TRAF7: variants seen among roughly 807,000 people sequenced by gnomAD.
The protein encoded by TRAF7 is TNF receptor associated factor 7.
TRAF7 carries 45 observed loss-of-function variants against 89.3 expected under a neutral mutation model. The ratio of observed to expected loss-of-function variants is 0.50; its 90% CI spans 0.40 to 0.65. The LOEUF (loss-of-function observed/expected upper bound fraction) is 0.65, where lower values mean the gene tolerates loss of function less well. Ranked by LOEUF, TRAF7 falls within the 30% of genes least tolerant of loss-of-function variation. The pLI is 0.00. For missense variants in TRAF7, 677 were observed against 918.1 expected (o/e 0.74, Z 3.39); for synonymous variants, 406 against 369.2 (o/e 1.10, Z -1.14).
intron 20 of TRAF7, 23 bp downstream of exon 20, chr16:2,176,407 A>G: frequency 5.6e-6 from 9 of 1,611,208 alleles, no homozygotes; most frequent in African/African-American, 1.3e-5. Context: ...GGCTCAGGCC[A>G]TTCAAAGGGG....
intron 11 of TRAF7, 24 bp downstream of exon 11, chr16:2,173,578 C>T (rs759406878): frequency 1.9e-6 from 3 of 1,609,738 alleles, no homozygotes; most frequent in Middle Eastern, 1.7e-4. Flanking sequence ...GCTGGAGGGG[C>T]TGGGTTGTGA....
In TRAF7 at chr16:2,168,250, G is replaced by A. The variant is rs538705785; in HGVS notation, c.231+82G>A. On this transcript the variant is annotated intron_variant, in intron 4 of 20. Coordinates refer to ENST00000326181, the MANE Select transcript of TRAF7 (RefSeq NM_032271.3). This position sits in a 1 kb window ranked among gnomAD's most constrained non-coding sequence, Gnocchi z 4.1. ...CTGGGGGAACCAGGTCCCAGGAGGAGTTGACAGTGAGCTGGTGAGGCACAG... is the reference window on the plus strand; with the variant it reads ...CTGGGGGAACCAGGTCCCAGGAGGAATTGACAGTGAGCTGGTGAGGCACAG... 148 of 1,231,858 alleles carry A rather than the reference G, an allele frequency of 1.2e-4. 1 individual carries two copies. Among genetic ancestry groups the A allele is most frequent in the Non-Finnish European group, 1.5e-4 (134 of 875,794 alleles). The allele number at this position is 1,231,858 out of a possible 1,614,324, so 76.3% of individuals were successfully genotyped here.
chr16:2,175,728 C>G (rs1475650660), intron 17 of TRAF7, 106 bp downstream of exon 17: 2 of 1,588,294 alleles, frequency 1.3e-6, no homozygotes, highest in Middle Eastern at 3.5e-4. Context: ...CGCACATCCC[C>G]TGGCTGGGTG....
rs1353837672 is a variant in TRAF7, at chr16:2,163,852, C to T, written c.-38-31C>T. 4.2e-6 allele frequency: 6 copies of T among 1,422,472 alleles called. No homozygotes were observed. The highest frequency in any genetic ancestry group is 1.9e-5 in the Admixed American group (1 of 53,884). 88.1% of individuals were successfully genotyped at this position (1,422,472 alleles called of 1,614,324 possible). A position where few individuals can be genotyped will look rare whatever the true frequency, so the allele number is the denominator to read the frequency against. ...ACTCACAGGGGCCTGGGCTCCATCT[C>T]TCAAGCCCCTCATTTGTGCTCCACC... is the stretch of plus-strand genomic sequence containing the variant. On this transcript the variant is annotated intron_variant, in intron 1 of 20. Transcript: ENST00000326181. This position sits in a 1 kb window ranked among gnomAD's most constrained non-coding sequence, Gnocchi z 4.3.
intron 4 of TRAF7, among the ~76,000 whole-genome samples, chr16:2,169,578 C>G (rs1480757879): frequency 1.3e-5 from 2 of 152,172 alleles, no homozygotes; most frequent in African/African-American, 2.4e-5. Context: ...CTGTCAGCCC[C>G]TACGCCCAAG....
In TRAF7 at chr16:2,159,301, C is replaced by T. The variant is rs537182966; in HGVS notation, c.-39+3443C>T. 1.3e-5 allele frequency among the ~76,000 whole-genome samples: 2 copies of T among 151,950 alleles called. No individual in the cohort carries two copies. Among genetic ancestry groups the T allele is most frequent in the Non-Finnish European group, 2.9e-5 (2 of 67,954 alleles). ...GGCAGGGACAGGCAAGGGGGTTCGC[C>T]GTGCTAGGAGGGAAGCGGGGCCAAG... On this transcript the variant is annotated intron_variant, in intron 1 of 20. Coordinates refer to ENST00000326181, the MANE Select transcript of TRAF7 (RefSeq NM_032271.3). The surrounding 1 kb of genome is among the most constrained non-coding windows in gnomAD (Gnocchi z 6.5).
At chr16:2,157,360 GAGGGTCTCTGGTGA>G (rs2093039525) in intron 1 of TRAF7, among the ~76,000 whole-genome samples, 1 of 152,042 alleles carries the variant, frequency 6.6e-6, no homozygotes, top group East Asian at 1.9e-4. Flanking sequence ...GCCCCAACCT[GAGGGTCTCTGGTGA>G]AGTGACTTCC....
At chr16:2,174,153 C>T (rs2093125628) in intron 13 of TRAF7, 98 bp from the exon 14 acceptor site, 2 of 1,596,968 alleles carry the variant, frequency 1.3e-6, no homozygotes, top group Non-Finnish European at 8.5e-7. Context: ...GGGCAGGGCC[C>T]TCTCCCATGG....
chr16:2,176,076 G>A lies in TRAF7; in HGVS notation c.1774G>A (p.Val592Met). 1.2e-6 allele frequency: 2 copies of A among 1,610,840 alleles called. No homozygotes were observed. The highest frequency in any genetic ancestry group is 1.7e-6 in the Non-Finnish European group (2 of 1,178,834). ...GTGGGACATTGAGTCCAAGGAGCAG[G>A]TGCGGACCCTCACGGGCCACGTGGG... ...HVWDIESKEQ[V>M]RTLTGHVGTV... is the part of the protein sequence containing the mutation. The change falls in exon 19 of 21, where the codon GTG becomes ATG. Residue 592 changes from valine (V) to methionine (M), a missense_variant. Physicochemically the swap from Val to Met is conservative, Grantham distance 21. Coordinates refer to ENST00000326181, the MANE Select transcript of TRAF7 (RefSeq NM_032271.3).
At position 2,162,787 on chromosome 16, in the gene TRAF7, G is replaced by A. The variant is rs1002748719; in HGVS notation, c.-38-1096G>A. ...GGCCCGGGGCAGGAGTCCTGGGCAC[G>A]TGGCCTTCCTCCCCACAGGGAGCTC... On this transcript the variant is annotated intron_variant, in intron 1 of 20. Coordinates refer to ENST00000326181, the MANE Select transcript of TRAF7 (RefSeq NM_032271.3). This position sits in a 1 kb window ranked among gnomAD's most constrained non-coding sequence, Gnocchi z 5.0. Among the ~76,000 whole-genome samples the A allele has an allele frequency of 3.9e-5, 6 of 152,082 alleles. No individual in the cohort carries two copies. The highest frequency in any genetic ancestry group is 1.2e-4 in the African/African-American group (5 of 41,432).
intron 12 of TRAF7, 22 bp downstream of exon 12, chr16:2,173,858 C>CGGGGCG: frequency 6.3e-7 from 1 of 1,599,266 alleles, no homozygotes; most frequent in Non-Finnish European, 8.5e-7. Flanking sequence ...CCCGCCGTGG[C>CGGGGCG]TCCCGCCCAC....
chr16:2,171,816 C>G (rs1432471261), intron 7 of TRAF7, among the ~76,000 whole-genome samples: 1 of 152,222 alleles, frequency 6.6e-6, no homozygotes, highest in East Asian at 1.9e-4. Context: ...TCCAGTGTGT[C>G]CAGACTCAGA....
chr16:2,175,131 C>T lies in TRAF7; in HGVS notation c.1367C>T (p.Ser456Phe). The T allele has an allele frequency of 1.2e-6, 2 of 1,613,830 alleles. No homozygotes were observed. Among genetic ancestry groups the T allele is most frequent in the Non-Finnish European group, 1.7e-6 (2 of 1,179,968 alleles). Residue 456 changes from serine (S) to phenylalanine (F), a missense_variant, in exon 15 of 21, where the codon TCT becomes TTT. Transcript: ENST00000326181. ...CIQGCKLYSG[S>F]ADCTIIVWDI... is the part of the protein sequence containing the mutation. The stretch of plus-strand genomic sequence containing the variant: ...CCCAGGTGCAAACTCTACAGCGGCT[C>T]TGCAGACTGCACCATCATTGTGAGT...
chr16:2,171,841 T>C (rs2093112761), intron 7 of TRAF7, among the ~76,000 whole-genome samples: 1 of 152,144 alleles, frequency 6.6e-6, no homozygotes, highest in African/African-American at 2.4e-5. Context: ...CCACAGTGGG[T>C]GTGGGCCGAG....
intron 14 of TRAF7, among the ~76,000 whole-genome samples, chr16:2,174,788 C>T (rs1567253162): frequency 6.6e-6 from 1 of 152,194 alleles, no homozygotes; most frequent in Non-Finnish European, 1.5e-5. Context: ...TAAGCGTGTG[C>T]GTGAGAGATG....
At chr16:2,172,644 C>T (rs759266142) in intron 9 of TRAF7, 45 bp downstream of exon 9, 254 of 1,528,992 alleles carry the variant, frequency 1.7e-4, no homozygotes, top group Admixed American at 2.6e-4. Flanking sequence ...GGCGCAGGCC[C>T]TCCACAGGCT....
Position 2,158,175 on chromosome 16 carries a change from G to T in TRAF7, c.-39+2317G>T, listed in dbSNP as rs535423363. 6.6e-6 allele frequency among the ~76,000 whole-genome samples: 1 copy of T among 152,314 alleles called. No individual in the cohort carries two copies. Among genetic ancestry groups the T allele is most frequent in the Admixed American group, 6.5e-5 (1 of 15,302 alleles). ...GGGAGGGCCGAGAGCTGTTGGCTGCGTGTGTCTCAGTCCGGCCTTCTCAGT... is the reference window on the plus strand; with the variant it reads ...GGGAGGGCCGAGAGCTGTTGGCTGCTTGTGTCTCAGTCCGGCCTTCTCAGT... On this transcript the variant is annotated intron_variant, in intron 1 of 20. Coordinates refer to ENST00000326181, the MANE Select transcript of TRAF7 (RefSeq NM_032271.3). This position sits in a 1 kb window ranked among gnomAD's most constrained non-coding sequence, Gnocchi z 4.7.
Position 2,175,713 on chromosome 16 carries a change from A to G in TRAF7, c.1626+91A>G, listed in dbSNP as rs1047781858. 25 of 1,587,490 alleles carry G rather than the reference A, an allele frequency of 1.6e-5. No individual in the cohort carries two copies. In the Middle Eastern group the frequency reaches 7.2e-4, roughly 46 times the overall value. On this transcript the variant is annotated intron_variant, in intron 17 of 20. Coordinates refer to ENST00000326181, the MANE Select transcript of TRAF7 (RefSeq NM_032271.3). ...CTGGGGCTCCATCTGCCCTGTTCCT[A>G]CCTTCGCACATCCCCTGGCTGGGTG...
At chr16:2,166,879 A>G (rs1040068721) in intron 3 of TRAF7, among the ~76,000 whole-genome samples, 29 of 152,254 alleles carry the variant, frequency 1.9e-4, no homozygotes, top group Non-Finnish European at 4.4e-5. Flanking sequence ...GTGCAGGGCC[A>G]GGGACCCTCA....
Sources: allele counts gnomAD v4.1 joint callset (sites outside exome capture counted in the v4.1 genomes callset), GRCh38; gene constraint gnomAD v4.1.1; non-coding constraint Gnocchi (gnomAD v3.1); transcripts MANE v1.5; gene names NCBI Gene and HGNC (gene_info 2026-07-23, HGNC 2026-07-21).